Variants in ANO5 observed in about 807,000 individuals in gnomAD.
ANO5 encodes anoctamin 5, also known as anoctamin-5.
Under a neutral mutation model 121.0 loss-of-function variants are expected in ANO5, and 109 were observed. That is an observed-to-expected ratio of 0.90 (90% confidence interval 0.77 to 1.06). The LOEUF is 1.06. Among genes scored for constraint, ANO5 ranks in the 50% least tolerant of loss-of-function variants. The pLI is 0.00. For synonymous variants in ANO5, 406 were observed against 359.9 expected (o/e 1.13, Z -1.45); for missense variants, 1,064 against 1,078.5 (o/e 0.99, Z 0.19).
chr11:22,208,260 CCGAAAG>C (rs1440315395), intron 2 of ANO5, among the ~76,000 whole-genome samples: 1 of 151,910 alleles, frequency 6.6e-6, no homozygotes, highest in African/African-American at 2.4e-5. Flanking sequence ...TTTGTAGTAG[CCGAAAG>C]TGGAAACAAC....
rs10525160 is a variant in ANO5, at chr11:22,252,029, C to CAAAAAAAAAA, written c.1180+1039_1180+1048dup. Among the ~76,000 whole-genome samples the CAAAAAAAAAA allele has an allele frequency of 1.8e-3, 84 of 45,858 alleles. 4 individuals are homozygous for CAAAAAAAAAA. The highest frequency in any genetic ancestry group is 5.6e-3 in the African/African-American group (83 of 14,924). The allele number at this position is 45,858 out of a possible 152,430, so 30.1% of individuals were successfully genotyped here. A position where few individuals can be genotyped will look rare whatever the true frequency, so the allele number is the denominator to read the frequency against. On this transcript the variant is annotated intron_variant, in intron 12 of 21. Transcript: ENST00000324559. The stretch of plus-strand genomic sequence containing the variant: ...TGAGAGACAGAGCAAGACGCCGTCT[C>CAAAAAAAAAA]AAAAAAAAAAAAAAAAAAAAAAAAA...
intron 16 of ANO5, 44 bp downstream of exon 16, chr11:22,262,342 C>G: frequency 1.3e-6 from 2 of 1,589,108 alleles, no homozygotes; most frequent in Non-Finnish European, 1.7e-6. Context: ...TTCAATACCT[C>G]AGTATTAACA....
At chr11:22,209,282 T>C (rs1658283391) in intron 2 of ANO5, among the ~76,000 whole-genome samples, 1 of 151,870 alleles carries the variant, frequency 6.6e-6, no homozygotes, top group Non-Finnish European at 1.5e-5. Flanking sequence ...ATGCATGACA[T>C]GATTAATATA....
At chr11:22,199,233 G>T (rs1030594305) in intron 1 of ANO5, among the ~76,000 whole-genome samples, 10 of 152,104 alleles carry the variant, frequency 6.6e-5, no homozygotes, top group Admixed American at 1.3e-4. Context: ...CAGTAGAATA[G>T]AATAATAACA....
intron 17 of ANO5, among the ~76,000 whole-genome samples, chr11:22,263,531 C>T (rs539851601): frequency 3.5e-4 from 54 of 152,204 alleles, no homozygotes; most frequent in Non-Finnish European, 6.3e-4. Context: ...TGGAGACTTT[C>T]AGGTCAATAC....
At chr11:22,277,075 CTAG>C (rs1854880051) in intron 21 of ANO5, among the ~76,000 whole-genome samples, 1 of 151,498 alleles carries the variant, frequency 6.6e-6, no homozygotes, top group African/African-American at 2.4e-5. Flanking sequence ...ACTCATTCTT[CTAG>C]TAGTTGCCCT....
chr11:22,242,148 C>T (rs777267026), intron 9 of ANO5, among the ~76,000 whole-genome samples: 2 of 152,116 alleles, frequency 1.3e-5, no homozygotes, highest in African/African-American at 2.4e-5. Context: ...ATACGGAATC[C>T]GTTCCCCATT....
chr11:22,270,274 G>A, intron 17 of ANO5, 38 bp from the exon 18 acceptor site: 1 of 1,612,426 alleles, frequency 6.2e-7, no homozygotes. Context: ...TTTCTTTTTG[G>A]TCCTATTTCA....
intron 17 of ANO5, among the ~76,000 whole-genome samples, chr11:22,267,649 G>A (rs1221218246): frequency 6.6e-6 from 1 of 150,696 alleles, no homozygotes; most frequent in Non-Finnish European, 1.5e-5. Context: ...AGAGGTACAT[G>A]TGCAGATTTG....
chr11:22,248,315 T>C (rs1853689061), intron 9 of ANO5, among the ~76,000 whole-genome samples: 1 of 152,050 alleles, frequency 6.6e-6, no homozygotes, highest in South Asian at 2.1e-4. Flanking sequence ...AGATCATAGA[T>C]TTAAATATAT....
At chr11:22,210,250 G>T (rs943781169) in intron 2 of ANO5, among the ~76,000 whole-genome samples, 2 of 151,824 alleles carry the variant, frequency 1.3e-5, no homozygotes, top group Non-Finnish European at 2.9e-5. Context: ...AAATATAGTG[G>T]TATGAAAATT....
At chr11:22,232,986 A>C (rs970345884) in intron 7 of ANO5, among the ~76,000 whole-genome samples, 2 of 152,084 alleles carry the variant, frequency 1.3e-5, no homozygotes, top group Non-Finnish European at 2.9e-5. Flanking sequence ...TATGACGTAG[A>C]TAATACTCAT....
chr11:22,195,947 G>A (rs1238989620), intron 1 of ANO5, among the ~76,000 whole-genome samples: 2 of 152,160 alleles, frequency 1.3e-5, no homozygotes, highest in Non-Finnish European at 2.9e-5. Flanking sequence ...GTGTGGCATT[G>A]ATGAGATCAG....
intron 14 of ANO5, among the ~76,000 whole-genome samples, chr11:22,259,190 G>C (rs981280281): frequency 1.3e-5 from 2 of 151,504 alleles, no homozygotes; most frequent in African/African-American, 4.8e-5. Flanking sequence ...TTAAGGACCA[G>C]ATAAGATCAG....
intron 12 of ANO5, among the ~76,000 whole-genome samples, chr11:22,251,408 T>C (rs541782433): frequency 2.6e-5 from 4 of 152,306 alleles, no homozygotes; most frequent in South Asian, 2.1e-4. Flanking sequence ...CTAATGAACA[T>C]TTTTGAGTAT....
At chr11:22,201,196 CTT>C (rs1263869571) in intron 1 of ANO5, among the ~76,000 whole-genome samples, 2 of 152,128 alleles carry the variant, frequency 1.3e-5, no homozygotes, top group Non-Finnish European at 2.9e-5. Flanking sequence ...CAGTGAAAAA[CTT>C]GGCTCCCTTG....
chr11:22,240,209 A>G (rs970060081), intron 9 of ANO5, among the ~76,000 whole-genome samples: 2 of 151,986 alleles, frequency 1.3e-5, no homozygotes, highest in African/African-American at 4.8e-5. Flanking sequence ...CTGTGAAGAC[A>G]TTTGTTCTAT....
At chr11:22,223,131 T>A (rs1018172332) in intron 5 of ANO5, among the ~76,000 whole-genome samples, 1 of 152,048 alleles carries the variant, frequency 6.6e-6, no homozygotes, top group Non-Finnish European at 1.5e-5. Flanking sequence ...TGCCCTGCAT[T>A]CTCTTTCTTC....
In ANO5 at chr11:22,263,108, G is replaced by A; in HGVS notation, c.1898+65G>A. 2.8e-6 allele frequency: 4 copies of A among 1,414,010 alleles called. No individual in the cohort carries two copies. In the South Asian group the frequency reaches 4.7e-5, roughly 16 times the overall value. The allele number at this position is 1,414,010 out of a possible 1,614,324, so 87.6% of individuals were successfully genotyped here. Reference sequence around the variant, plus strand: ...CCATGAGATATTTCCTCTAGAAGAAGATGGAATTTTTTGATTACCATGGTG... The same window carrying A: ...CCATGAGATATTTCCTCTAGAAGAAAATGGAATTTTTTGATTACCATGGTG... On this transcript the variant is annotated intron_variant, in intron 17 of 21. Transcript: ENST00000324559.
Sources: allele counts gnomAD v4.1 joint callset (sites outside exome capture counted in the v4.1 genomes callset), GRCh38; gene constraint gnomAD v4.1.1; transcripts MANE v1.5; gene names NCBI Gene and HGNC (gene_info 2026-07-23, HGNC 2026-07-21).